COL8A2: variants seen among roughly 807,000 people sequenced by gnomAD.
COL8A2 encodes the protein collagen alpha-2(VIII) chain.
COL8A2 carries 16 observed loss-of-function variants against 24.0 expected under a neutral mutation model. The observed-to-expected ratio is 0.67, with a 90% confidence interval of 0.45 to 1.01. The LOEUF is 1.01. Among genes scored for constraint, COL8A2 ranks in the 50% least tolerant of loss-of-function variants. The pLI is 0.00. For missense variants in COL8A2, 818 were observed against 942.4 expected (o/e 0.87, Z 1.73); for synonymous variants, 466 against 424.5 (o/e 1.10, Z -1.20).
rs1473336192 is a variant in COL8A2, at chr1:36,115,235, G to A, written c.-17+473C>T. On this transcript the variant is annotated intron_variant, in intron 2 of 3. Coordinates refer to ENST00000397799, the MANE Select transcript of COL8A2 (RefSeq NM_005202.4). This position sits in a 1 kb window ranked among gnomAD's most constrained non-coding sequence, Gnocchi z 5.7. Reference sequence around the variant, plus strand: ...CCCCAGGCCTCAGGCAGGGGCAGGCGGGGCCTCCTCAGCCTCCAATCCCTC... The same window carrying A: ...CCCCAGGCCTCAGGCAGGGGCAGGCAGGGCCTCCTCAGCCTCCAATCCCTC... Among the ~76,000 whole-genome samples, 1 of 152,192 alleles carries A rather than the reference G, an allele frequency of 6.6e-6. No homozygotes were observed. The highest frequency in any genetic ancestry group is 2.4e-5 in the African/African-American group (1 of 41,464).
chr1:36,102,666 T>TTG (rs1643694907), intron 2 of COL8A2, among the ~76,000 whole-genome samples: 1 of 124,082 alleles, frequency 8.1e-6, no homozygotes, highest in Admixed American at 8.6e-5. Flanking sequence ...TAAAGCTGGT[T>TTG]TTTTGTTTTT....
rs1166528454 is a variant in COL8A2 at position 36,098,756 on chromosome 1, G to A, written c.925C>T (p.Leu309=). The part of the protein sequence containing the change: ...GEPGTRGPPG[L]IGPTGYGMPG... The stretch of plus-strand genomic sequence containing the variant: ...ATCCCATAGCCAGTGGGGCCTATCA[G>A]CCCAGGGGGGCCCCGGGTCCCTGGC... Residue 309 remains leucine, a synonymous_variant, in exon 4 of 4, where the codon CTG becomes TTG. Coordinates refer to ENST00000397799, the MANE Select transcript of COL8A2 (RefSeq NM_005202.4). 9.9e-6 allele frequency: 16 copies of A among 1,611,756 alleles called. No homozygotes were observed. The highest frequency in any genetic ancestry group is 1.4e-5 in the Non-Finnish European group (16 of 1,179,612).
In COL8A2 at chr1:36,096,947, G is replaced by C. The variant is rs1643576087; in HGVS notation, c.*622C>G. ...CATGGCTGCCACTGGAGCAGTGAAA[G>C]GGAGGTTGCCCTTTCCCAGGGCAAC... is the stretch of plus-strand genomic sequence containing the variant. On this transcript the variant is annotated 3_prime_UTR_variant, in exon 4 of 4. Coordinates refer to ENST00000397799, the MANE Select transcript of COL8A2 (RefSeq NM_005202.4). 1 of 153,338 alleles carries C rather than the reference G, an allele frequency of 6.5e-6. No individual in the cohort carries two copies. Among genetic ancestry groups the C allele is most frequent in the African/African-American group, 2.4e-5 (1 of 41,478 alleles). 9.5% of individuals were successfully genotyped at this position (153,338 alleles called of 1,614,324 possible). A position where few individuals can be genotyped will look rare whatever the true frequency, so the allele number is the denominator to read the frequency against.
At chr1:36,116,847 G>A (rs1643882049) in intron 1 of COL8A2, among the ~76,000 whole-genome samples, 1 of 152,186 alleles carries the variant, frequency 6.6e-6, no homozygotes, top group South Asian at 2.1e-4. Context: ...GCCATGGAGG[G>A]TTATTTAGTG....
chr1:36,097,960 G>A lies in COL8A2; in HGVS notation c.1721C>T (p.Thr574Ile), dbSNP rs1281135023. 1 of 1,608,786 alleles carries A rather than the reference G, an allele frequency of 6.2e-7. No homozygotes were observed. The highest frequency in any genetic ancestry group is 1.7e-5 in the Admixed American group (1 of 59,732). ...FGLGELSAHA[T>I]PAFTAVLTSP... ...GGTGAGCACCGCAGTGAAGGCCGGT[G>A]TGGCATGGGCAGACAGCTCGCCCAG... The change falls in exon 4 of 4, where the codon ACA becomes ATA. Residue 574 changes from threonine (T) to isoleucine (I), a missense_variant. This residue lies in a region of COL8A2 where 235 missense variants were observed against 297.3 expected (regional missense o/e 0.79). Transcript: ENST00000397799.
At position 36,099,475 on chromosome 1, in the gene COL8A2, G is replaced by C; in HGVS notation, c.206C>G (p.Pro69Arg). The change falls in exon 4 of 4, where the codon CCG becomes CGG. Residue 69 changes from proline (P) to arginine (R), a missense_variant. Pro to Arg is a moderately radical substitution (Grantham distance 103, BLOSUM62 -2). Transcript: ENST00000397799. ...TCCCTTCAGGTCCATCGGCAGCAGC[G>C]GTAGAGGCATTTCTGAGAAAGAAAG... ...GKGQYLEMPL[P>R]LLPMDLKGEP... 6.5e-7 allele frequency: 1 copy of C among 1,539,708 alleles called. No homozygotes were observed. The highest frequency in any genetic ancestry group is 8.7e-7 in the Non-Finnish European group (1 of 1,148,586).
chr1:36,112,714 T>C (rs1464134628), intron 2 of COL8A2, among the ~76,000 whole-genome samples: 2 of 152,316 alleles, frequency 1.3e-5, no homozygotes, highest in East Asian at 1.9e-4. Flanking sequence ...CTCTGTTTTC[T>C]CAACATAGCC....
chr1:36,096,114 T>G lies in COL8A2; in HGVS notation c.*1455A>C, dbSNP rs1002816713. The G allele has an allele frequency of 8.6e-5, 13 of 151,898 alleles. No homozygotes were observed. The East Asian group carries it at 2.5e-3, about 29-fold the overall frequency. The allele number at this position is 151,898 out of a possible 1,614,324, so 9.4% of individuals were successfully genotyped here. A position where few individuals can be genotyped will look rare whatever the true frequency, so the allele number is the denominator to read the frequency against. ...GAGATCACAGACCGAATGACCCCAG[T>G]TCACACTTGGTACAAGGAGTGGGGC... On this transcript the variant is annotated 3_prime_UTR_variant, in exon 4 of 4. Coordinates refer to ENST00000397799, the MANE Select transcript of COL8A2 (RefSeq NM_005202.4).
intron 2 of COL8A2, among the ~76,000 whole-genome samples, chr1:36,103,555 G>A (rs1643710498): frequency 6.6e-6 from 1 of 152,098 alleles, no homozygotes; most frequent in Admixed American, 6.6e-5. Flanking sequence ...TTGCAGGCGT[G>A]AGGCCCACAT....
At chr1:36,122,254 C>A (rs1643919439) in intron 1 of COL8A2, among the ~76,000 whole-genome samples, 1 of 152,146 alleles carries the variant, frequency 6.6e-6, no homozygotes, top group African/African-American at 2.4e-5. Context: ...GATGGGGAAA[C>A]TGAGGCACAG....
rs577337619 is a variant in COL8A2, at chr1:36,100,246, G to A, written c.-4C>T. The A allele has an allele frequency of 2.1e-5, 33 of 1,549,566 alleles. No homozygotes were observed. The highest frequency in any genetic ancestry group is 7.8e-5 in the Admixed American group (4 of 51,444). On this transcript the variant is annotated 5_prime_UTR_variant, in exon 3 of 4. It adds an upstream start codon to the 5' untranslated region. Transcript: ENST00000397799. ...GGGGTGTCAGAGTCCCCAGCATGGC[G>A]TCCGTGGACGTGCTGCAAAGAAGAA... is the stretch of plus-strand genomic sequence containing the variant.
chr1:36,098,062 C>G lies in COL8A2; in HGVS notation c.1619G>C (p.Gly540Ala). 1 of 1,577,638 alleles carries G rather than the reference C, an allele frequency of 6.3e-7. No homozygotes were observed. Among genetic ancestry groups the G allele is most frequent in the Non-Finnish European group, 8.6e-7 (1 of 1,166,244 alleles). The change falls in exon 4 of 4, where the codon GGC (glycine) becomes GCC (alanine). Residue 540 changes from glycine to alanine, a missense_variant. Physicochemically the swap from Gly to Ala is moderately conservative, Grantham distance 60 (BLOSUM62 0). Coordinates refer to ENST00000397799, the MANE Select transcript of COL8A2 (RefSeq NM_005202.4). The stretch of plus-strand genomic sequence containing the variant: ...GTTGGGCAGGTGCAAGCCTGCGATG[C>G]CAGTCTCATCGAAGGCCCCAGGGGC... ...PGAPGAFDET[G>A]IAGLHLPNGG...
intron 3 of COL8A2, 121 bp downstream of exon 3, chr1:36,099,929 G>A: frequency 1.0e-6 from 1 of 953,670 alleles, no homozygotes; most frequent in Non-Finnish European, 1.7e-6. Flanking sequence ...ACTGAAGGTA[G>A]GAAAATTGGT....
rs765919642 is a variant in COL8A2, at chr1:36,100,103, A to G, written c.140T>C (p.Met47Thr). The G allele has an allele frequency of 1.9e-6, 3 of 1,612,702 alleles. No individual in the cohort carries two copies. The highest frequency in any genetic ancestry group is 2.2e-5 in the East Asian group (1 of 44,832). The change falls in exon 3 of 4, where the codon ATG becomes ACG. Residue 47 changes from methionine to threonine, a missense_variant. By Grantham distance (81) the Met-to-Thr change is moderately conservative. Transcript: ENST00000397799. Reference sequence around the variant, plus strand: ...GGGCGGTCCCACAGGTCCTTTCTGCATGGGCTGGATGTACTTCACTGGGGC... The same window carrying G: ...GGGCGGTCCCACAGGTCCTTTCTGCGTGGGCTGGATGTACTTCACTGGGGC... ...GYAPVKYIQP[M>T]QKGPVGPPFR...
chr1:36,101,608 G>A (rs999676330), intron 2 of COL8A2, among the ~76,000 whole-genome samples: 2 of 152,250 alleles, frequency 1.3e-5, no homozygotes, highest in African/African-American at 4.8e-5. Context: ...TGAAATGAGA[G>A]AGGATGTCCA....
intron 2 of COL8A2, among the ~76,000 whole-genome samples, chr1:36,105,783 C>T (rs1643750271): frequency 6.6e-6 from 1 of 151,246 alleles, no homozygotes; most frequent in Non-Finnish European, 1.5e-5. Context: ...TCTGTCTCTA[C>T]CAAAAAAATT....
At chr1:36,102,821 G>T (rs1490291958) in intron 2 of COL8A2, among the ~76,000 whole-genome samples, 2 of 151,626 alleles carry the variant, frequency 1.3e-5, no homozygotes, top group African/African-American at 4.8e-5. Flanking sequence ...ACAGGGGCCT[G>T]CCACCACACC....
chr1:36,099,995 G>C, intron 3 of COL8A2, 55 bp downstream of exon 3: 4 of 1,539,390 alleles, frequency 2.6e-6, no homozygotes, highest in Non-Finnish European at 3.6e-6. Flanking sequence ...CAGGGAGGCA[G>C]GGGATTTGGG....
At chr1:36,105,208 A>G (rs2124086208) in intron 2 of COL8A2, among the ~76,000 whole-genome samples, 1 of 152,260 alleles carries the variant, frequency 6.6e-6, no homozygotes, top group Non-Finnish European at 1.5e-5. Flanking sequence ...GTCAGCTCTC[A>G]TGTTCGAATC....
Sources: gnomAD v4.1 joint callset for allele counts (sites outside exome capture counted in the v4.1 genomes callset) on GRCh38, gnomAD v4.1.1 for gene constraint, gnomAD v4.1.1 regional missense constraint, Gnocchi (gnomAD v3.1) non-coding constraint, MANE v1.5 for transcripts, NCBI Gene and HGNC (gene_info 2026-07-23, HGNC 2026-07-21) for gene names.